The following GPC6 variants were observed in gnomAD, a reference collection of about 807,000 sequenced individuals.
GPC6 encodes glypican-6.
Under a neutral mutation model 55.2 loss-of-function variants are expected in GPC6, and 14 were observed. The observed-to-expected ratio is 0.25, with a 90% CI of 0.17 to 0.40. The LOEUF (loss-of-function observed/expected upper bound fraction) is 0.40, where lower values mean the gene tolerates loss of function less well. Ranked by LOEUF, GPC6 falls within the 10% of genes least tolerant of loss-of-function variation. The pLI is 1.00. For synonymous variants in GPC6, 278 were observed against 259.6 expected (o/e 1.07, Z -0.68); for missense variants, 641 against 708.5 (o/e 0.90, Z 1.08).
At chr13:94,075,454 G>A (rs916787776) in intron 4 of GPC6, among the ~76,000 whole-genome samples, 11 of 148,400 alleles carry the variant, frequency 7.4e-5, no homozygotes, top group African/African-American at 1.8e-4. Flanking sequence ...GTGTGTGCGC[G>A]CTAAGAATAT....
chr13:93,592,011 A>G (rs1218890469), intron 2 of GPC6, among the ~76,000 whole-genome samples: 1 of 152,108 alleles, frequency 6.6e-6, no homozygotes, highest in African/African-American at 2.4e-5. Context: ...AATATAAGGA[A>G]GCAGTATATT....
intron 3 of GPC6, among the ~76,000 whole-genome samples, chr13:93,860,618 G>A (rs1013318212): frequency 4.6e-5 from 7 of 151,466 alleles, no homozygotes; most frequent in Admixed American, 4.6e-4. Flanking sequence ...ATGGACTTGG[G>A]GGCTTGTTCT....
At chr13:94,315,609 G>C (rs532802409) in intron 6 of GPC6, among the ~76,000 whole-genome samples, 177 of 152,276 alleles carry the variant, frequency 1.2e-3, no homozygotes, top group African/African-American at 4.2e-3. Flanking sequence ...CTCACATAGA[G>C]AGAGAAAAAG....
Position 94,089,242 on chromosome 13 carries a change from T to G in GPC6, c.877+61348T>G, listed in dbSNP as rs181423633. The stretch of plus-strand genomic sequence containing the variant: ...ACCAAACCTCTTGCAGACTCTGCAC[T>G]GTGATTGGGCTGATAAGCCTGAGAG... On this transcript the variant is annotated intron_variant, in intron 4 of 8. Coordinates refer to ENST00000377047, the MANE Select transcript of GPC6 (RefSeq NM_005708.5). Among the ~76,000 whole-genome samples, 432 of 152,262 alleles carry G rather than the reference T, an allele frequency of 2.8e-3. 1 individual carries two copies. Among genetic ancestry groups the G allele is most frequent in the Middle Eastern group, 3.4e-3 (1 of 294 alleles).
chr13:93,486,997 AG>A (rs1185104876), intron 1 of GPC6, among the ~76,000 whole-genome samples: 1 of 152,004 alleles, frequency 6.6e-6, no homozygotes, highest in Non-Finnish European at 1.5e-5. Flanking sequence ...AAAAAAACAA[AG>A]AGACCATCTC....
chr13:93,318,540 GA>G (rs1355507222), intron 1 of GPC6, among the ~76,000 whole-genome samples: 1 of 152,084 alleles, frequency 6.6e-6, no homozygotes, highest in Admixed American at 6.5e-5. Context: ...AAATAAAGGG[GA>G]AAAAAGGATA....
chr13:93,335,217 A>G lies in GPC6; in HGVS notation c.160+107601A>G, dbSNP rs142658296. Among the ~76,000 whole-genome samples, 510 of 152,346 alleles carry G rather than the reference A, an allele frequency of 3.3e-3. 3 individuals are homozygous for G. Among genetic ancestry groups the G allele is most frequent in the African/African-American group, 0.012 (500 of 41,576 alleles). ...GAAATGTGTGTTGTATGCCGTAAAA[A>G]TACCTGTTACGTTATAGAATATAAC... On this transcript the variant is annotated intron_variant, in intron 1 of 8. Coordinates refer to ENST00000377047, the MANE Select transcript of GPC6 (RefSeq NM_005708.5).
rs1442438376 is a variant in GPC6 at position 94,398,622 on chromosome 13, T to C, written c.1446T>C (p.Asp482=). The change falls in exon 8 of 9, where the codon GAT becomes GAC. Residue 482 remains aspartate, a synonymous_variant. Coordinates refer to ENST00000377047, the MANE Select transcript of GPC6 (RefSeq NM_005708.5). ...NKLKNAYNGN[D]VNFQDTSDES... is the part of the protein sequence containing the mutation. ...TAAAAAACGCCTACAATGGCAATGATGTCAATTTCCAGGACACAAGTAAGA... is the reference window on the plus strand; with the variant it reads ...TAAAAAACGCCTACAATGGCAATGACGTCAATTTCCAGGACACAAGTAAGA... The C allele has an allele frequency of 4.3e-6, 7 of 1,613,986 alleles. No individual in the cohort carries two copies. Among genetic ancestry groups the C allele is most frequent in the Non-Finnish European group, 5.9e-6 (7 of 1,179,958 alleles).
At chr13:93,565,813 T>C (rs192666167) in intron 2 of GPC6, among the ~76,000 whole-genome samples, 6 of 151,938 alleles carry the variant, frequency 3.9e-5, no homozygotes, top group Non-Finnish European at 8.8e-5. Context: ...TCCCAGCTAC[T>C]TGGGAGGCTG....
chr13:93,732,383 C>G (rs376809981), intron 2 of GPC6, among the ~76,000 whole-genome samples: 4 of 152,090 alleles, frequency 2.6e-5, no homozygotes, highest in African/African-American at 9.7e-5. Flanking sequence ...GAATATAAGA[C>G]AGATGATTTT....
At chr13:94,116,085 CTTTAGTAATTTAGTTATAA>C (rs977949573) in intron 4 of GPC6, among the ~76,000 whole-genome samples, 3 of 151,984 alleles carry the variant, frequency 2.0e-5, no homozygotes, top group African/African-American at 4.8e-5. Context: ...GCATTAAGTG[CTTTAGTAATTTAGTTATAA>C]TTTAGTAATT....
chr13:94,013,029 G>A (rs1882308834), intron 3 of GPC6, among the ~76,000 whole-genome samples: 1 of 152,026 alleles, frequency 6.6e-6, no homozygotes, highest in South Asian at 2.1e-4. Context: ...ATTAAAGTTC[G>A]GAATGTCAAG....
chr13:93,797,242 G>A (rs1886225866), intron 2 of GPC6, among the ~76,000 whole-genome samples: 1 of 152,194 alleles, frequency 6.6e-6, no homozygotes, highest in South Asian at 2.1e-4. Context: ...CGGGTGATTA[G>A]ATGTCACTGA....
intron 1 of GPC6, among the ~76,000 whole-genome samples, chr13:93,533,802 G>A (rs560046867): frequency 6.8e-6 from 1 of 147,514 alleles, no homozygotes; most frequent in African/African-American, 2.6e-5. Context: ...CACCTCTTTA[G>A]GTCCACTGCT....
intron 4 of GPC6, among the ~76,000 whole-genome samples, chr13:94,191,163 C>A (rs1306959405): frequency 6.6e-6 from 1 of 152,118 alleles, no homozygotes; most frequent in Non-Finnish European, 1.5e-5. Flanking sequence ...CATGTGGCAC[C>A]TAAGAAGCTC....
At chr13:93,792,349 C>T (rs1258958884) in intron 2 of GPC6, among the ~76,000 whole-genome samples, 1 of 152,220 alleles carries the variant, frequency 6.6e-6, no homozygotes, top group African/African-American at 2.4e-5. Flanking sequence ...TTTGCTCTGT[C>T]GCCCAGGCGG....
chr13:94,011,149 T>A (rs566209545), intron 3 of GPC6, among the ~76,000 whole-genome samples: 1 of 151,054 alleles, frequency 6.6e-6, no homozygotes, highest in Non-Finnish European at 1.5e-5. Flanking sequence ...TTCAGGGGGG[T>A]TTTTCCAGGG....
intron 1 of GPC6, among the ~76,000 whole-genome samples, chr13:93,354,077 GA>G (rs1195643859): frequency 6.6e-6 from 1 of 152,120 alleles, no homozygotes; most frequent in East Asian, 1.9e-4. Flanking sequence ...TAAGAAGCAA[GA>G]AAATGCACTC....
intron 5 of GPC6, among the ~76,000 whole-genome samples, chr13:94,300,055 G>A (rs547498945): frequency 1.3e-5 from 2 of 152,108 alleles, no homozygotes; most frequent in East Asian, 1.9e-4. Context: ...TAATATAAAA[G>A]ATTAGAGCTC....
Sources: allele counts gnomAD v4.1 joint callset (sites outside exome capture counted in the v4.1 genomes callset), GRCh38; gene constraint gnomAD v4.1.1; transcripts MANE v1.5; gene names NCBI Gene and HGNC (gene_info 2026-07-23, HGNC 2026-07-21).